Variants in FMNL2 observed in about 807,000 individuals in gnomAD.
FMNL2 encodes formin like 2, also known as formin-like protein 2.
A neutral mutation model predicts 130.2 loss-of-function variants in FMNL2; 51 were observed. The observed-to-expected ratio is 0.39, with a 90% CI of 0.31 to 0.49. The LOEUF (loss-of-function observed/expected upper bound fraction) is 0.49. Among genes scored for constraint, FMNL2 ranks in the 20% least tolerant of loss-of-function variants. FMNL2 has a pLI of 0.85. For missense variants in FMNL2, 977 were observed against 1,316.2 expected, an observed-to-expected ratio of 0.74 and a Z score of 3.99; for synonymous variants, 465 against 467.1, an observed-to-expected ratio of 1.00 and a Z score of 0.06.
At chr2:152,581,248 G>A (rs1324912155) in intron 9 of FMNL2, among the ~76,000 whole-genome samples, 199 bp downstream of exon 9, 3 of 152,132 alleles carry the variant, frequency 2.0e-5, no homozygotes, top group Non-Finnish European at 4.4e-5. Flanking sequence ...AATAATCACA[G>A]TACTCTTTTT....
Position 152,335,339 on chromosome 2 carries a change from C to A in FMNL2, c.-265C>A, listed in dbSNP as rs1351241434. 9.3e-6 allele frequency: 2 copies of A among 214,076 alleles called. No individual in the cohort carries two copies. The highest frequency in any genetic ancestry group is 1.2e-4 in the Admixed American group (2 of 16,788). 13.3% of individuals were successfully genotyped at this position (214,076 alleles called of 1,614,324 possible). On this transcript the variant is annotated 5_prime_UTR_variant, in exon 1 of 26. Coordinates refer to ENST00000288670, the MANE Select transcript of FMNL2 (RefSeq NM_052905.4). ...GCCAGCGGAGCACCATGCACATAGG[C>A]GCCCAGCGCCCCAACTACCCCTCCC...
chr2:152,561,024 T>C lies in FMNL2; in HGVS notation c.585T>C (p.His195=). 1 of 1,598,342 alleles carries C rather than the reference T, an allele frequency of 6.3e-7. No individual in the cohort carries two copies. Among genetic ancestry groups the C allele is most frequent in the Non-Finnish European group, 8.5e-7 (1 of 1,172,022 alleles). The change falls in exon 6 of 26, where the codon CAT becomes CAC. Residue 195 remains histidine, a synonymous_variant. Coordinates refer to ENST00000288670, the MANE Select transcript of FMNL2 (RefSeq NM_052905.4). ...ACAGTGTCTCCCGCTCTGGAAGACA[T>C]TCTGCACTGCGGTGAGTTCGTTTAA... ...VGNSVSRSGR[H]SALRYNTLPS...
Position 152,628,264 on chromosome 2 carries a change from C to G in FMNL2, c.2166-35C>G, listed in dbSNP as rs75505189. ...CTTGAAAAGGGGGTAGGAGGTTTTTCTCTCTAATGCTAATCTCTCCACATC... is the reference window on the plus strand; with the variant it reads ...CTTGAAAAGGGGGTAGGAGGTTTTTGTCTCTAATGCTAATCTCTCCACATC... On this transcript the variant is annotated intron_variant, in intron 17 of 25. Coordinates refer to ENST00000288670, the MANE Select transcript of FMNL2 (RefSeq NM_052905.4). The G allele has an allele frequency of 5.4e-3, 8,580 of 1,585,386 alleles. 381 individuals carry two copies. The African/African-American group carries it at 0.097, about 18-fold the overall frequency.
rs34744900 is a variant in FMNL2, at chr2:152,585,920, C to CAA, written c.876+4888_876+4889dup. Among the ~76,000 whole-genome samples, 176 of 130,012 alleles carry CAA rather than the reference C, an allele frequency of 1.4e-3. 1 individual carries two copies. The highest frequency in any genetic ancestry group is 4.1e-3 in the African/African-American group (144 of 35,312). 85.3% of individuals were successfully genotyped at this position (130,012 alleles called of 152,430 possible). ...TTAAAAAGTGTCTCCAAAGGTTTGG[C>CAA]AAAAAAAAAAAAAAAAAATGCTTCC... On this transcript the variant is annotated intron_variant, in intron 9 of 25. Transcript: ENST00000288670.
chr2:152,543,376 A>G (rs774079029), intron 3 of FMNL2, among the ~76,000 whole-genome samples: 5 of 152,266 alleles, frequency 3.3e-5, no homozygotes, highest in Admixed American at 6.5e-5. Flanking sequence ...CAGCCACACA[A>G]TTGGTTTAAA....
chr2:152,642,092 C>A (rs1371638977), intron 25 of FMNL2, among the ~76,000 whole-genome samples: 4 of 152,046 alleles, frequency 2.6e-5, no homozygotes, highest in Non-Finnish European at 5.9e-5. Context: ...AGGCGCCCAC[C>A]ACCACGCCTG....
At chr2:152,458,871 G>A (rs1689091365) in intron 1 of FMNL2, among the ~76,000 whole-genome samples, 1 of 152,184 alleles carries the variant, frequency 6.6e-6, no homozygotes, top group Non-Finnish European at 1.5e-5. Flanking sequence ...TTTTCTGAAG[G>A]CAAGTTTTAA....
intron 1 of FMNL2, among the ~76,000 whole-genome samples, chr2:152,404,694 A>G (rs868035218): frequency 6.6e-6 from 1 of 152,222 alleles, no homozygotes; most frequent in African/African-American, 2.4e-5. Flanking sequence ...ATTAAACACA[A>G]CAAAGGCAGA....
At chr2:152,644,213 C>CCTGT (rs1352018227) in intron 25 of FMNL2, among the ~76,000 whole-genome samples, 1 of 152,056 alleles carries the variant, frequency 6.6e-6, no homozygotes, top group African/African-American at 2.4e-5. Context: ...AGAGTGAGAC[C>CCTGT]CTGTCTCAAA....
intron 9 of FMNL2, among the ~76,000 whole-genome samples, chr2:152,596,072 C>T (rs888859552): frequency 1.7e-4 from 26 of 151,910 alleles, no homozygotes; most frequent in African/African-American, 6.3e-4. Flanking sequence ...AAGCGATTCT[C>T]CCGCCTCTGC....
chr2:152,353,351 A>G (rs900218689), intron 1 of FMNL2, among the ~76,000 whole-genome samples: 1 of 152,188 alleles, frequency 6.6e-6, no homozygotes, highest in Non-Finnish European at 1.5e-5. Context: ...TATCTGTGCA[A>G]ACAACTTGGA....
chr2:152,604,031 A>G (rs1184854906), intron 9 of FMNL2, among the ~76,000 whole-genome samples: 1 of 150,690 alleles, frequency 6.6e-6, no homozygotes, highest in Non-Finnish European at 1.5e-5. Context: ...CTCAATATAG[A>G]CTCTAGGAAT....
rs929749727 is a variant in FMNL2, at chr2:152,648,946, G to A, written c.*1041G>A. The A allele has an allele frequency of 1.5e-4, 23 of 152,644 alleles. No homozygotes were observed. Among genetic ancestry groups the A allele is most frequent in the African/African-American group, 4.6e-4 (19 of 41,554 alleles). The allele number at this position is 152,644 out of a possible 1,614,324, so 9.5% of individuals were successfully genotyped here. Reference sequence around the variant, plus strand: ...ACATGGTATTAAGCTTAAATAATACGTAATGGGACTAGATGGCCCACTAAG... The same window carrying A: ...ACATGGTATTAAGCTTAAATAATACATAATGGGACTAGATGGCCCACTAAG... On this transcript the variant is annotated 3_prime_UTR_variant, in exon 26 of 26. Transcript: ENST00000288670.
intron 1 of FMNL2, among the ~76,000 whole-genome samples, chr2:152,508,118 A>G (rs777920262): frequency 4.9e-4 from 75 of 152,212 alleles, no homozygotes; most frequent in African/African-American, 1.7e-3. Flanking sequence ...TATTGTGCTT[A>G]TCATTTATAA....
At chr2:152,566,709 TG>T (rs1490082087) in intron 6 of FMNL2, among the ~76,000 whole-genome samples, 1 of 152,218 alleles carries the variant, frequency 6.6e-6, no homozygotes, top group Non-Finnish European at 1.5e-5. Context: ...AGTATATATA[TG>T]TTTGTGTGTA....
At chr2:152,384,658 C>G (rs1320213102) in intron 1 of FMNL2, among the ~76,000 whole-genome samples, 3 of 152,166 alleles carry the variant, frequency 2.0e-5, no homozygotes, top group South Asian at 2.1e-4. Flanking sequence ...TGGAGGCAGC[C>G]TGCCTGGGTC....
chr2:152,532,610 T>TC (rs1693762174), intron 2 of FMNL2, among the ~76,000 whole-genome samples: 1 of 64,738 alleles, frequency 1.5e-5, no homozygotes. Flanking sequence ...TTTTTTTTCT[T>TC]ATTTTTTTTT....
intron 1 of FMNL2, among the ~76,000 whole-genome samples, chr2:152,520,704 GTTAGA>G (rs1309440135): frequency 3.9e-5 from 6 of 152,116 alleles, no homozygotes; most frequent in African/African-American, 1.4e-4. Flanking sequence ...CAATCTAGAT[GTTAGA>G]TTGAGTTTAA....
At chr2:152,448,666 G>A (rs1445301598) in intron 1 of FMNL2, among the ~76,000 whole-genome samples, 1 of 152,210 alleles carries the variant, frequency 6.6e-6, no homozygotes, top group Non-Finnish European at 1.5e-5. Context: ...CAAAGCATTT[G>A]TTGAACTCCT....
Sources: allele counts gnomAD v4.1 joint callset (sites outside exome capture counted in the v4.1 genomes callset), GRCh38; gene constraint gnomAD v4.1.1; transcripts MANE v1.5; gene names NCBI Gene and HGNC (gene_info 2026-07-23, HGNC 2026-07-21).